TENM3: variants seen among roughly 807,000 people sequenced by gnomAD.
The protein encoded by TENM3 is teneurin transmembrane protein 3.
In TENM3, 63 loss-of-function variants were observed where a neutral mutation model predicts 255.1. The observed-to-expected ratio is 0.25, with a 90% CI of 0.20 to 0.30. The LOEUF (loss-of-function observed/expected upper bound fraction) is 0.30. Ranked by LOEUF, TENM3 falls within the 10% of genes least tolerant of loss-of-function variation. The probability of loss-of-function intolerance (pLI) is 1.00; values close to 1 mark genes in which losing one functional copy is unlikely to be tolerated. For missense variants in TENM3, 2,929 were observed against 3,461.1 expected (o/e 0.85, Z 3.86); for synonymous variants, 1,306 against 1,322.3 (o/e 0.99, Z 0.27).
the TENM3 span, among the ~76,000 whole-genome samples, chr4:181,702,247 C>T: frequency 2.0e-5 from 3 of 152,160 alleles, no homozygotes; most frequent in East Asian, 1.9e-4. Flanking sequence ...TTCTGTCCTT[C>T]GGTCTCAGTA....
At chr4:181,997,688 C>A in the TENM3 span, among the ~76,000 whole-genome samples, 1 of 152,146 alleles carries the variant, frequency 6.6e-6, no homozygotes, top group Non-Finnish European at 1.5e-5. Context: ...TCAGGACAAG[C>A]TGTGGTGATA....
At position 182,385,073 on chromosome 4, in the gene TENM3, C is replaced by G. The variant is rs556682955; in HGVS notation, c.511+38144C>G. On this transcript the variant is annotated intron_variant, in intron 3 of 27. Transcript: ENST00000511685. ...CTCATTTTTACGTAGATGACGGTGT[C>G]CCCCAGCATTGTTGTAAGTACAAAC... Among the ~76,000 whole-genome samples the G allele has an allele frequency of 2.0e-5, 3 of 152,084 alleles. 1 individual carries two copies. In the East Asian group the frequency reaches 5.8e-4, roughly 30 times the overall value.
chr4:182,229,649 CAT>C (rs147373346), intron 1 of TENM3, among the ~76,000 whole-genome samples: 5 of 151,766 alleles, frequency 3.3e-5, no homozygotes, highest in South Asian at 2.1e-4. Context: ...CACACACACA[CAT>C]ATATGTATAT....
intron 1 of TENM3, among the ~76,000 whole-genome samples, chr4:182,154,037 GA>G (rs1227088574): frequency 6.6e-6 from 1 of 151,950 alleles, no homozygotes; most frequent in Non-Finnish European, 1.5e-5. Flanking sequence ...GAAAAACAAT[GA>G]TACCTTCTAA....
the TENM3 span, among the ~76,000 whole-genome samples, chr4:181,917,209 C>T: frequency 6.6e-6 from 1 of 152,076 alleles, no homozygotes; most frequent in Non-Finnish European, 1.5e-5. Context: ...CAGAAAGGTA[C>T]AGAACCTAAA....
chr4:182,752,108 G>C, intron 20 of TENM3, 76 bp downstream of exon 20: 1 of 939,326 alleles, frequency 1.1e-6, no homozygotes. Context: ...AATCCATTTA[G>C]TGCCTAGTCA....
At chr4:182,295,155 T>C (rs576226847) in intron 1 of TENM3, among the ~76,000 whole-genome samples, 11 of 152,000 alleles carry the variant, frequency 7.2e-5, no homozygotes, top group South Asian at 2.1e-4. Context: ...ATTAATTAAA[T>C]TTCCTGGAAA....
chr4:181,716,145 G>A, the TENM3 span, among the ~76,000 whole-genome samples: 72 of 152,262 alleles, frequency 4.7e-4, no homozygotes, highest in Non-Finnish European at 5.4e-4. Context: ...GCAATATTCC[G>A]AAGTGGTTAA....
chr4:181,883,734 C>A, the TENM3 span, among the ~76,000 whole-genome samples: 2 of 152,144 alleles, frequency 1.3e-5, no homozygotes, highest in Non-Finnish European at 2.9e-5. Context: ...GCCTCAGCCC[C>A]CCAAAGTGCT....
At chr4:182,305,062 G>T (rs1475832692) in intron 1 of TENM3, among the ~76,000 whole-genome samples, 3 of 151,988 alleles carry the variant, frequency 2.0e-5, no homozygotes, top group African/African-American at 7.3e-5. Flanking sequence ...CCAGAAAGCT[G>T]AGCTTTGCTG....
the TENM3 span, among the ~76,000 whole-genome samples, chr4:181,789,404 GC>G: frequency 4.6e-5 from 7 of 151,744 alleles, no homozygotes; most frequent in African/African-American, 1.7e-4. Flanking sequence ...TTACAGGCAT[GC>G]ACCACCATGC....
intron 3 of TENM3, among the ~76,000 whole-genome samples, chr4:182,497,853 TATATATATATATATATATATATA>T (rs1735937050): frequency 7.8e-5 from 1 of 12,860 alleles, no homozygotes; most frequent in Non-Finnish European, 8.8e-4. Flanking sequence ...AATACATATA[TATATATATATATATATATATATA>T]TATATATCTC....
At chr4:182,345,975 A>G (rs1164648017) in intron 2 of TENM3, among the ~76,000 whole-genome samples, 1 of 152,132 alleles carries the variant, frequency 6.6e-6, no homozygotes, top group African/African-American at 2.4e-5. Context: ...AAAAGCCTAG[A>G]AAGTCAAAAA....
At chr4:181,918,008 T>C in the TENM3 span, among the ~76,000 whole-genome samples, 5 of 152,180 alleles carry the variant, frequency 3.3e-5, no homozygotes, top group African/African-American at 1.2e-4. Context: ...TATTATATTT[T>C]CTTAGGCTGA....
At chr4:181,575,029 AG>A in the TENM3 span, among the ~76,000 whole-genome samples, 1 of 152,196 alleles carries the variant, frequency 6.6e-6, no homozygotes, top group Non-Finnish European at 1.5e-5. Flanking sequence ...AATTCATGCA[AG>A]TAATTTTTTT....
intron 3 of TENM3, among the ~76,000 whole-genome samples, chr4:182,534,200 T>A (rs1244416817): frequency 2.0e-5 from 3 of 152,130 alleles, no homozygotes; most frequent in Non-Finnish European, 4.4e-5. Context: ...CAGAGGAACA[T>A]GCCCAGCTAC....
At chr4:181,764,969 A>C in the TENM3 span, among the ~76,000 whole-genome samples, 1 of 152,234 alleles carries the variant, frequency 6.6e-6, no homozygotes, top group Non-Finnish European at 1.5e-5. Context: ...TGCTGGGATT[A>C]CAGGCATGAA....
the TENM3 span, among the ~76,000 whole-genome samples, chr4:182,108,856 A>G: frequency 6.6e-6 from 1 of 152,162 alleles, no homozygotes; most frequent in Non-Finnish European, 1.5e-5. Flanking sequence ...TTTTTAGTCT[A>G]TTTTTATATT....
intron 1 of TENM3, among the ~76,000 whole-genome samples, chr4:182,308,194 G>A (rs1762242742): frequency 2.6e-5 from 4 of 152,298 alleles, no homozygotes; most frequent in Admixed American, 2.6e-4. Flanking sequence ...TGCTGAACTG[G>A]GCAACCGCAA....
Sources: gnomAD v4.1 joint callset for allele counts (sites outside exome capture counted in the v4.1 genomes callset) on GRCh38, gnomAD v4.1.1 for gene constraint, MANE v1.5 for transcripts, NCBI Gene and HGNC (gene_info 2026-07-23, HGNC 2026-07-21) for gene names.